SCHIP1: variants seen among roughly 807,000 people sequenced by gnomAD.
SCHIP1 encodes schwannomin interacting protein 1.
A neutral mutation model predicts 29.7 loss-of-function variants in SCHIP1; 8 were observed. That is an observed-to-expected ratio of 0.27 (90% confidence interval 0.16 to 0.49). The LOEUF (loss-of-function observed/expected upper bound fraction) is 0.49. Ranked by LOEUF, SCHIP1 falls within the 20% of genes least tolerant of loss-of-function variation. The pLI is 0.99. For synonymous variants in SCHIP1, 76 were observed against 94.9 expected (o/e 0.80, Z 1.16); for missense variants, 193 against 294.6 (o/e 0.66, Z 2.52).
chr3:159,695,783 C>T, the SCHIP1 span, among the ~76,000 whole-genome samples: 1 of 152,176 alleles, frequency 6.6e-6, no homozygotes, highest in African/African-American at 2.4e-5. Context: ...TCCCCCTAAG[C>T]CAGCCTGAAT....
the SCHIP1 span, among the ~76,000 whole-genome samples, chr3:159,336,583 C>A: frequency 3.9e-5 from 6 of 152,276 alleles, no homozygotes; most frequent in East Asian, 9.6e-4. Flanking sequence ...TTTCCCAGCT[C>A]CATTTATTAA....
the SCHIP1 span, among the ~76,000 whole-genome samples, chr3:159,509,674 A>C: frequency 2.0e-5 from 3 of 152,192 alleles, no homozygotes; most frequent in Non-Finnish European, 2.9e-5. Flanking sequence ...TGGTGACAAA[A>C]TCACTCAGCA....
At chr3:159,734,944 A>G in the SCHIP1 span, among the ~76,000 whole-genome samples, 1 of 151,884 alleles carries the variant, frequency 6.6e-6, no homozygotes, top group Non-Finnish European at 1.5e-5. Flanking sequence ...AGGATGCCCA[A>G]CTCACTGGGA....
the SCHIP1 span, among the ~76,000 whole-genome samples, chr3:159,576,455 C>T: frequency 6.6e-6 from 1 of 152,080 alleles, no homozygotes; most frequent in East Asian, 1.9e-4. Context: ...TGCAGTTACC[C>T]TTTAATGTAT....
the SCHIP1 span, among the ~76,000 whole-genome samples, chr3:159,556,845 C>T: frequency 6.4e-4 from 96 of 150,486 alleles, no homozygotes; most frequent in Admixed American, 9.9e-4. Flanking sequence ...TGCAGCACAC[C>T]AGCATGGCAC....
chr3:159,704,924 C>A, the SCHIP1 span, among the ~76,000 whole-genome samples: 13 of 81,482 alleles, frequency 1.6e-4, no homozygotes, highest in Admixed American at 1.7e-3. Context: ...TTCTTTCTTT[C>A]TTTCTTTCTT....
At chr3:159,401,097 G>A in the SCHIP1 span, 2 of 695,366 alleles carry the variant, frequency 2.9e-6, no homozygotes, top group Non-Finnish European at 3.5e-6. Context: ...CATCCTACAG[G>A]ATTTTATCTT....
the SCHIP1 span, among the ~76,000 whole-genome samples, chr3:159,555,130 A>G: frequency 2.5e-3 from 386 of 152,220 alleles, no homozygotes; most frequent in Non-Finnish European, 3.9e-3. Flanking sequence ...TGGATTCCAG[A>G]TTGTATTATA....
chr3:159,419,678 AG>A, the SCHIP1 span, among the ~76,000 whole-genome samples: 1 of 152,086 alleles, frequency 6.6e-6, no homozygotes, highest in Non-Finnish European at 1.5e-5. Flanking sequence ...GCGTGGTTGC[AG>A]GTGCCTGTAA....
chr3:159,711,104 G>A, the SCHIP1 span, among the ~76,000 whole-genome samples: 1 of 151,986 alleles, frequency 6.6e-6, no homozygotes, highest in African/African-American at 2.4e-5. Context: ...AGTTCTAACT[G>A]GGACCTAAAT....
the SCHIP1 span, among the ~76,000 whole-genome samples, chr3:159,592,320 T>C: frequency 4.6e-5 from 7 of 152,272 alleles, no homozygotes; most frequent in South Asian, 1.4e-3. Context: ...CCTCTGAACG[T>C]ACATTTGCCA....
At chr3:159,892,287 A>C in intron 6 of SCHIP1, 97 bp downstream of exon 7, 1 of 1,403,140 alleles carries the variant, frequency 7.1e-7, no homozygotes. Context: ...TTCTTCCTCT[A>C]CTTCCATAAA....
chr3:159,542,256 T>C, the SCHIP1 span, among the ~76,000 whole-genome samples: 5 of 152,082 alleles, frequency 3.3e-5, no homozygotes, highest in Admixed American at 6.6e-5. Context: ...CAACAATGTA[T>C]ATAAGATGTA....
chr3:159,364,518 T>A, the SCHIP1 span, among the ~76,000 whole-genome samples: 10 of 152,254 alleles, frequency 6.6e-5, no homozygotes, highest in Admixed American at 6.5e-4. Context: ...ACATAGTAGG[T>A]GTTCCATGAA....
At chr3:159,767,407 C>T in the SCHIP1 span, among the ~76,000 whole-genome samples, 56 of 152,198 alleles carry the variant, frequency 3.7e-4, no homozygotes, top group African/African-American at 1.3e-3. Flanking sequence ...GATTTAAATC[C>T]TGTTTAGTGC....
intron 1 of SCHIP1, among the ~76,000 whole-genome samples, chr3:159,856,374 T>C (rs1349172531): frequency 6.6e-6 from 1 of 152,122 alleles, no homozygotes; most frequent in Non-Finnish European, 1.5e-5. Context: ...ATAGCCGGTG[T>C]GGACTTCTAA....
chr3:159,416,924 C>T, the SCHIP1 span, among the ~76,000 whole-genome samples: 5 of 152,240 alleles, frequency 3.3e-5, no homozygotes, highest in African/African-American at 9.6e-5. Flanking sequence ...GGGAAAGCAG[C>T]CTTTAGCTTT....
chr3:159,345,118 C>A, the SCHIP1 span, among the ~76,000 whole-genome samples: 2 of 150,618 alleles, frequency 1.3e-5, no homozygotes, highest in South Asian at 4.2e-4. Context: ...ATCCCAGCTA[C>A]TGGGGAGGCT....
At chr3:159,274,702 TTAGC>T in the SCHIP1 span, 2 of 816,992 alleles carry the variant, frequency 2.4e-6, no homozygotes, top group Non-Finnish European at 3.0e-6. Context: ...GATATTTTGA[TTAGC>T]TATTCAAATT....
Sources: allele counts gnomAD v4.1 joint callset (sites outside exome capture counted in the v4.1 genomes callset), GRCh38; gene constraint gnomAD v4.1.1; transcripts MANE v1.5; gene names NCBI Gene and HGNC (gene_info 2026-07-23, HGNC 2026-07-21).